ATP10B: variants seen among roughly 807,000 people sequenced by gnomAD.
The protein encoded by ATP10B is ATPase phospholipid transporting 10B (putative).
In ATP10B, 122 loss-of-function variants were observed where a neutral mutation model predicts 141.2. That is an observed-to-expected ratio of 0.86 (90% CI 0.75 to 1.00). ATP10B has a LOEUF of 1.00. ATP10B is among the 50% of genes least tolerant of loss of function. ATP10B has a pLI of 0.00. For synonymous variants in ATP10B, 685 were observed against 692.0 expected, an observed-to-expected ratio of 0.99 and a Z score of 0.16; for missense variants, 1,876 against 1,825.3, an observed-to-expected ratio of 1.03 and a Z score of -0.51.
intron 1 of ATP10B, among the ~76,000 whole-genome samples, chr5:160,818,080 C>T (rs1423037027): frequency 1.3e-5 from 2 of 152,018 alleles, no homozygotes; most frequent in Non-Finnish European, 2.9e-5. Context: ...ATTCAGGACA[C>T]AGGCATGGGC....
At position 160,807,986 on chromosome 5, in the gene ATP10B, C is replaced by A. The variant is rs147548823; in HGVS notation, c.-575-22183G>T. On this transcript the variant is annotated intron_variant, in intron 1 of 25. Coordinates refer to ENST00000327245, the MANE Select transcript of ATP10B (RefSeq NM_025153.3). ...CTGGTCTTTTACTTGAGATGCTTCT[C>A]ATTAATGAATGCTATCTCTACTATA... 7.0e-3 allele frequency among the ~76,000 whole-genome samples: 1,066 copies of A among 152,258 alleles called. 18 individuals are homozygous for A. Among genetic ancestry groups the A allele is most frequent in the African/African-American group, 0.024 (1,005 of 41,562 alleles).
At chr5:160,827,576 T>C (rs1051593038) in intron 1 of ATP10B, among the ~76,000 whole-genome samples, 3 of 152,190 alleles carry the variant, frequency 2.0e-5, no homozygotes, top group Non-Finnish European at 2.9e-5. Flanking sequence ...ACAAATATTT[T>C]ATCCCATTCT....
At chr5:160,651,784 T>A (rs987160018) in intron 7 of ATP10B, among the ~76,000 whole-genome samples, 2 of 152,100 alleles carry the variant, frequency 1.3e-5, no homozygotes, top group African/African-American at 2.4e-5. Flanking sequence ...AAATTACCCA[T>A]CCAGGAGTTT....
intron 1 of ATP10B, among the ~76,000 whole-genome samples, chr5:160,804,428 A>G (rs1772630350): frequency 1.3e-5 from 2 of 152,214 alleles, no homozygotes; most frequent in Non-Finnish European, 2.9e-5. Flanking sequence ...AGTTCATACT[A>G]TGTGTCAGCT....
chr5:160,847,514 T>A (rs1776201759), intron 1 of ATP10B, among the ~76,000 whole-genome samples: 1 of 152,150 alleles, frequency 6.6e-6, no homozygotes, highest in Admixed American at 6.6e-5. Context: ...GAGGGAAAAC[T>A]CCATGTGGCA....
At position 160,620,838 on chromosome 5, in the gene ATP10B, G is replaced by T. The variant is rs773311052; in HGVS notation, c.1925C>A (p.Pro642His). The change falls in exon 15 of 26, where the codon CCC (proline) becomes CAC (histidine). Residue 642 changes from proline to histidine, a missense_variant. Transcript: ENST00000327245. ...SLSQSFSSTA[P>H]SDTDLGESLG... ...GCTCTCCCCGAGGTCTGTGTCAGAG[G>T]GTGCAGTGGATGAGAATGACTGGCT... 6.8e-6 allele frequency: 11 copies of T among 1,614,176 alleles called. No homozygotes were observed. Among genetic ancestry groups the T allele is most frequent in the Admixed American group, 1.7e-5 (1 of 60,030 alleles).
chr5:160,821,932 C>A (rs1422765421), intron 1 of ATP10B, among the ~76,000 whole-genome samples: 1 of 152,210 alleles, frequency 6.6e-6, no homozygotes, highest in African/African-American at 2.4e-5. Context: ...TAAGGAAATT[C>A]TCCAGGATAC....
chr5:160,757,892 A>T (rs1768747546), intron 2 of ATP10B, among the ~76,000 whole-genome samples: 1 of 152,174 alleles, frequency 6.6e-6, no homozygotes. Context: ...GGTTAGCAGC[A>T]TTCTGGCCTC....
intron 18 of ATP10B, among the ~76,000 whole-genome samples, chr5:160,609,919 C>A (rs1437224578): frequency 6.6e-6 from 1 of 152,148 alleles, no homozygotes; most frequent in African/African-American, 2.4e-5. Context: ...ATGACTAAAG[C>A]AAGTCATTGG....
At chr5:160,922,565 G>C in the ATP10B span, among the ~76,000 whole-genome samples, 1 of 152,180 alleles carries the variant, frequency 6.6e-6, no homozygotes, top group African/African-American at 2.4e-5. Flanking sequence ...GAAATACTGA[G>C]ATGTCAATAG....
chr5:160,763,263 C>A (rs926394968), intron 2 of ATP10B, among the ~76,000 whole-genome samples: 5 of 152,118 alleles, frequency 3.3e-5, no homozygotes, highest in African/African-American at 1.2e-4. Flanking sequence ...AATATACATT[C>A]TTCTCATCAG....
At chr5:160,657,504 T>C (rs73306654) in intron 7 of ATP10B, among the ~76,000 whole-genome samples, 3,740 of 152,238 alleles carry the variant, frequency 0.025, 154 homozygotes, top group African/African-American at 0.085. Context: ...AGCAGGCAGA[T>C]TGGGCTGGAG....
intron 2 of ATP10B, among the ~76,000 whole-genome samples, chr5:160,730,710 G>T (rs1651471738): frequency 6.6e-6 from 1 of 151,966 alleles, no homozygotes. Context: ...CACTCTCCAG[G>T]GTGTCTGTCC....
At chr5:160,763,257 T>A (rs929679681) in intron 2 of ATP10B, among the ~76,000 whole-genome samples, 11 of 152,094 alleles carry the variant, frequency 7.2e-5, no homozygotes, top group African/African-American at 2.7e-4. Context: ...CTGCAGAATA[T>A]ACATTCTTCT....
chr5:160,873,879 G>A, the ATP10B span, among the ~76,000 whole-genome samples: 2 of 152,226 alleles, frequency 1.3e-5, no homozygotes, highest in African/African-American at 2.4e-5. Context: ...GGCTCGGAGG[G>A]TCCTACACCC....
chr5:160,724,274 TAGAGACAGAG>T (rs1766188414), intron 2 of ATP10B, among the ~76,000 whole-genome samples: 1 of 133,686 alleles, frequency 7.5e-6, no homozygotes, highest in Non-Finnish European at 1.6e-5. Flanking sequence ...TTTTTTTTTT[TAGAGACAGAG>T]TCTTACTCTG....
intron 1 of ATP10B, among the ~76,000 whole-genome samples, chr5:160,842,301 C>A (rs1775857008): frequency 6.6e-6 from 1 of 151,890 alleles, no homozygotes; most frequent in Non-Finnish European, 1.5e-5. Context: ...GAATATACGG[C>A]ATATCAAAAT....
chr5:160,583,726 C>A (rs753404876), intron 24 of ATP10B, among the ~76,000 whole-genome samples: 5 of 152,164 alleles, frequency 3.3e-5, no homozygotes, highest in Non-Finnish European at 5.9e-5. Flanking sequence ...GATGCCCCAC[C>A]CAGAGAGGAG....
rs369390293 is a variant in ATP10B at position 160,569,657 on chromosome 5, G to A, written c.3777C>T (p.Leu1259=). 37 of 1,593,542 alleles carry A rather than the reference G, an allele frequency of 2.3e-5. No homozygotes were observed. In the African/African-American group the frequency reaches 3.5e-4, roughly 15 times the overall value. Residue 1259 remains leucine (L), a synonymous_variant, in exon 25 of 26, where the codon CTC becomes CTT. Coordinates refer to ENST00000327245, the MANE Select transcript of ATP10B (RefSeq NM_025153.3). The part of the protein sequence containing the change: ...TWTIFHGVVL[L]GSFLMYFLVS... ...CCAGAAAGTACATCAGGAAGCTGCC[G>A]AGGAGCACGACTCCGTGGAAAATGG...
Sources: gnomAD v4.1 joint callset for allele counts (sites outside exome capture counted in the v4.1 genomes callset) on GRCh38, gnomAD v4.1.1 for gene constraint, MANE v1.5 for transcripts, NCBI Gene and HGNC (gene_info 2026-07-23, HGNC 2026-07-21) for gene names.